The following PAX9 variants were observed in gnomAD, a reference collection of about 807,000 sequenced individuals.
PAX9 encodes the protein paired box 9, also known as paired box protein Pax-9.
Under a neutral mutation model 29.1 loss-of-function variants are expected in PAX9, and 6 were observed. The ratio of observed to expected loss-of-function variants is 0.21; its 90% CI spans 0.11 to 0.41. The LOEUF (loss-of-function observed/expected upper bound fraction) is 0.41, where lower values mean the gene tolerates loss of function less well. Ranked by LOEUF, PAX9 falls within the 10% of genes least tolerant of loss-of-function variation. PAX9 has a pLI of 1.00. For synonymous variants in PAX9, 217 were observed against 211.7 expected (o/e 1.03, Z -0.22); for missense variants, 443 against 479.1 (o/e 0.92, Z 0.70).
At chr14:36,661,197 G>A (rs1881249260), upstream of PAX9, among the ~76,000 whole-genome samples, 2 of 152,266 alleles carry the variant, frequency 1.3e-5, no homozygotes, top group South Asian at 4.1e-4. Flanking sequence ...CGTGCCTCGA[G>A]CCTGTGTGGC....
chr14:36,668,344 T>G (rs1032360388), intron 3 of PAX9, among the ~76,000 whole-genome samples: 8 of 150,496 alleles, frequency 5.3e-5, no homozygotes, highest in Non-Finnish European at 2.9e-5. Flanking sequence ...GAACCCAGTT[T>G]ATATATCAAG....
rs1882037090 is a variant in PAX9, at chr14:36,678,779, T to C, written c.*2327T>C. ...GGTTCTTGTATTTTAAAAAATCTAATATTAATGGTATTGAAGTTTCCTTTT... is the reference window on the plus strand; with the variant it reads ...GGTTCTTGTATTTTAAAAAATCTAACATTAATGGTATTGAAGTTTCCTTTT... On this transcript the variant is annotated 3_prime_UTR_variant, in exon 4 of 4. Coordinates refer to ENST00000361487, the MANE Select transcript of PAX9 (RefSeq NM_001372076.1). 3.8e-6 allele frequency: 4 copies of C among 1,053,328 alleles called. No individual in the cohort carries two copies. The highest frequency in any genetic ancestry group is 3.5e-6 in the Non-Finnish European group (3 of 863,486). The allele number at this position is 1,053,328 out of a possible 1,614,324, so 65.2% of individuals were successfully genotyped here. A position where few individuals can be genotyped will look rare whatever the true frequency, so the allele number is the denominator to read the frequency against.
rs967008015 is a variant in PAX9, at chr14:36,678,182, C to A, written c.*1730C>A. 2.3e-6 allele frequency: 1 copy of A among 436,920 alleles called. No homozygotes were observed. The highest frequency in any genetic ancestry group is 4.2e-6 in the Non-Finnish European group (1 of 240,248). The allele number at this position is 436,920 out of a possible 1,614,324, so 27.1% of individuals were successfully genotyped here. A position where few individuals can be genotyped will look rare whatever the true frequency, so the allele number is the denominator to read the frequency against. On this transcript the variant is annotated 3_prime_UTR_variant, in exon 4 of 4. Transcript: ENST00000361487. Reference sequence around the variant, plus strand: ...ACATGGCAATGCGGTTCCACCACATCGGTTTCGTGGCTTCGTTTAAAACTC... The same window carrying A: ...ACATGGCAATGCGGTTCCACCACATAGGTTTCGTGGCTTCGTTTAAAACTC...
chr14:36,666,518 C>A lies in PAX9; in HGVS notation c.688C>A (p.Arg230Ser), dbSNP rs776254475. The A allele has an allele frequency of 6.2e-7, 1 of 1,604,692 alleles. No homozygotes were observed. Among genetic ancestry groups the A allele is most frequent in the South Asian group, 1.1e-5 (1 of 89,226 alleles). The change falls in exon 3 of 4, where the codon CGC (arginine) becomes AGC (serine). Residue 230 changes from arginine to serine, a missense_variant. Arg to Ser is a moderately radical substitution (Grantham distance 110). Around this residue, in one of 2 missense-constraint regions of PAX9, gnomAD observed 336 missense variants for 317.2 expected, o/e 1.06. Transcript: ENST00000361487. ...GGTGGAGGAGTGGAGCAGCCTGGGC[C>A]GCAACAACTTCCCCGCCGCCGCCCC... The part of the protein sequence containing the change: ...PKVEEWSSLG[R>S]NNFPAAAPHA...
rs745406799 is a variant in PAX9 at position 36,663,243 on chromosome 14, G to A, written c.351G>A (p.Val117=). ...ACGGCGTGTGCGACAAGTACAATGT[G>A]CCCTCCGTGAGCTCCATCAGCCGCA... is the stretch of plus-strand genomic sequence containing the variant. ...LADGVCDKYN[V]PSVSSISRIL... The change falls in exon 2 of 4, where the codon GTG becomes GTA. Residue 117 remains valine (V), a synonymous_variant. Transcript: ENST00000361487. 1 of 1,614,114 alleles carries A rather than the reference G, an allele frequency of 6.2e-7. No individual in the cohort carries two copies. Among genetic ancestry groups the A allele is most frequent in the Non-Finnish European group, 8.5e-7 (1 of 1,180,030 alleles).
At chr14:36,661,729 A>C, upstream of PAX9, 1 of 384,684 alleles carries the variant, frequency 2.6e-6, no homozygotes, top group Non-Finnish European at 4.7e-6. Context: ...TGAAAGAGAC[A>C]GCGGAAGGAG....
intron 2 of PAX9, among the ~76,000 whole-genome samples, chr14:36,664,155 T>C (rs1418306998): frequency 1.3e-5 from 2 of 152,200 alleles, no homozygotes; most frequent in Non-Finnish European, 2.9e-5. Context: ...ATGTAACTCA[T>C]TCCCAGACGA....
rs1432915930 is a variant in PAX9, at chr14:36,678,998, G to T, written c.*2546G>T. Reference sequence around the variant, plus strand: ...GACATATTTCCTCTATCTCATAGATGGTAAAAGTGTTGCTTTTAAACTGGC... The same window carrying T: ...GACATATTTCCTCTATCTCATAGATTGTAAAAGTGTTGCTTTTAAACTGGC... On this transcript the variant is annotated 3_prime_UTR_variant, in exon 4 of 4. Transcript: ENST00000361487. 2.1e-6 allele frequency: 2 copies of T among 955,626 alleles called. No homozygotes were observed. Among genetic ancestry groups the T allele is most frequent in the African/African-American group, 4.2e-5 (2 of 48,098 alleles). The allele number at this position is 955,626 out of a possible 1,614,324, so 59.2% of individuals were successfully genotyped here.
upstream of PAX9, among the ~76,000 whole-genome samples, chr14:36,661,170 C>CCGCA (rs957517248): frequency 3.3e-5 from 5 of 152,242 alleles, no homozygotes; most frequent in South Asian, 2.1e-4. Flanking sequence ...GTTCAGTTCC[C>CCGCA]CGCACACGGC....
upstream of PAX9, among the ~76,000 whole-genome samples, chr14:36,660,033 C>T (rs1439701752): frequency 6.6e-6 from 1 of 152,154 alleles, no homozygotes; most frequent in Admixed American, 6.5e-5. Context: ...GAGGTCGATA[C>T]TCACTGCCTG....
Position 36,661,978 on chromosome 14 carries a change from G to C in PAX9, c.-112G>C, listed in dbSNP as rs1881285684. The stretch of plus-strand genomic sequence containing the variant: ...TCGCCTCCTCCTCCTGGGAAGAAGC[G>C]GAGGCGCCGGCGGTCGGCCGGGATA... On this transcript the variant is annotated 5_prime_UTR_variant, in exon 1 of 4. Coordinates refer to ENST00000361487, the MANE Select transcript of PAX9 (RefSeq NM_001372076.1). The C allele has an allele frequency of 7.3e-7, 1 of 1,370,350 alleles. No homozygotes were observed. Among genetic ancestry groups the C allele is most frequent in the South Asian group, 1.2e-5 (1 of 80,458 alleles). 84.9% of individuals were successfully genotyped at this position (1,370,350 alleles called of 1,614,324 possible).
chr14:36,662,132 G>A (rs906726179), intron 1 of PAX9, 39 bp downstream of exon 1: 3 of 1,484,394 alleles, frequency 2.0e-6, no homozygotes, highest in African/African-American at 2.9e-5. Flanking sequence ...GCCGGGAAGG[G>A]AGGGAGGGAG....
upstream of PAX9, among the ~76,000 whole-genome samples, chr14:36,659,128 G>GT: frequency 6.6e-6 from 1 of 152,316 alleles, no homozygotes; most frequent in East Asian, 1.9e-4. Context: ...CCTTACTGGT[G>GT]TTTTGGTTTT....
chr14:36,674,334 A>C (rs1204675435), intron 3 of PAX9, among the ~76,000 whole-genome samples: 2 of 152,244 alleles, frequency 1.3e-5, no homozygotes, highest in Non-Finnish European at 2.9e-5. Flanking sequence ...TTAAGTGTTC[A>C]GGAAAAACAG....
chr14:36,658,835 C>G (rs1000679085), upstream of PAX9: 1 of 152,296 alleles, frequency 6.6e-6, no homozygotes. Flanking sequence ...CCGGTCGATC[C>G]GATGCTGGGG....
chr14:36,673,301 G>A (rs868783773), intron 3 of PAX9, among the ~76,000 whole-genome samples: 1 of 152,072 alleles, frequency 6.6e-6, no homozygotes, highest in Non-Finnish European at 1.5e-5. Flanking sequence ...GAAATATTTA[G>A]TACTAAGAAT....
At chr14:36,669,530 T>C (rs1202865663) in intron 3 of PAX9, among the ~76,000 whole-genome samples, 2 of 152,192 alleles carry the variant, frequency 1.3e-5, no homozygotes, top group Non-Finnish European at 2.9e-5. Context: ...AATTTTATTA[T>C]ACAAAGAAGG....
At chr14:36,660,936 T>C (rs1398385033), upstream of PAX9, among the ~76,000 whole-genome samples, 1 of 152,262 alleles carries the variant, frequency 6.6e-6, no homozygotes, top group African/African-American at 2.4e-5. Context: ...TACATCCATG[T>C]GCAGCGTCGG....
chr14:36,675,359 G>T (rs1418768805), intron 3 of PAX9, among the ~76,000 whole-genome samples: 1 of 152,144 alleles, frequency 6.6e-6, no homozygotes, highest in Non-Finnish European at 1.5e-5. Context: ...TGGTTTCTCG[G>T]CAGGCTCGCC....
Sources: allele counts gnomAD v4.1 joint callset (sites outside exome capture counted in the v4.1 genomes callset), GRCh38; gene constraint gnomAD v4.1.1; regional missense constraint gnomAD v4.1.1; transcripts MANE v1.5; gene names NCBI Gene and HGNC (gene_info 2026-07-23, HGNC 2026-07-21).